MDN1: variants seen among roughly 807,000 people sequenced by gnomAD.
The protein encoded by MDN1 is midasin AAA ATPase 1.
Under a neutral mutation model 669.2 loss-of-function variants are expected in MDN1, and 266 were observed. The ratio of observed to expected loss-of-function variants is 0.40; its 90% CI spans 0.36 to 0.44. The LOEUF (loss-of-function observed/expected upper bound fraction) is 0.44. Among genes scored for constraint, MDN1 ranks in the 20% least tolerant of loss-of-function variants. The pLI is 1.00. For missense variants in MDN1, 5,940 were observed against 6,754.0 expected (o/e 0.88, Z 4.22); for synonymous variants, 2,385 against 2,457.1 (o/e 0.97, Z 0.87).
chr6:89,819,173 G>GT, intron 1 of MDN1, among the ~76,000 whole-genome samples: 1 of 152,286 alleles, frequency 6.6e-6, no homozygotes, highest in East Asian at 1.9e-4. Context: ...TGTCAAAACG[G>GT]CAGAAACGCA....
At chr6:89,679,155 T>C (rs570426639) in intron 74 of MDN1, among the ~76,000 whole-genome samples, 1 of 152,366 alleles carries the variant, frequency 6.6e-6, no homozygotes, top group African/African-American at 2.4e-5. Context: ...TTTCCACTTG[T>C]AGCTAGTACA....
At chr6:89,742,868 T>G (rs145848697) in intron 31 of MDN1, among the ~76,000 whole-genome samples, 1 of 152,228 alleles carries the variant, frequency 6.6e-6, no homozygotes, top group African/African-American at 2.4e-5. Flanking sequence ...ACCTAGAAAT[T>G]TAGGAAACAC....
intron 46 of MDN1, 53 bp downstream of exon 46, chr6:89,714,490 T>C: frequency 1.4e-6 from 2 of 1,410,170 alleles, no homozygotes; most frequent in Admixed American, 2.2e-5. Flanking sequence ...TGGAATGACA[T>C]AAATTTCTTG....
intron 1 of MDN1, among the ~76,000 whole-genome samples, chr6:89,811,553 C>A (rs1235536169): frequency 6.6e-6 from 1 of 151,902 alleles, no homozygotes; most frequent in African/African-American, 2.4e-5. Context: ...TCAACCAATT[C>A]TCCTGCCACA....
At chr6:89,817,123 A>G (rs1768893282) in intron 1 of MDN1, among the ~76,000 whole-genome samples, 1 of 152,270 alleles carries the variant, frequency 6.6e-6, no homozygotes, top group Admixed American at 6.5e-5. Flanking sequence ...CCAGCTTTCC[A>G]GACCAAATCA....
In MDN1 at chr6:89,745,576, T is replaced by C; in HGVS notation, c.3955A>G (p.Ile1319Val). Reference sequence around the variant, plus strand: ...AAATGTTTCTCAAGGACTTCTTGAATCACATCAATTTCCTCCTGCTTCCTG... The same window carrying C: ...AAATGTTTCTCAAGGACTTCTTGAACCACATCAATTTCCTCCTGCTTCCTG... Reference protein sequence around the residue: ...RVRKQEEIDVIQEVLEKHFKK... With the variant: ...RVRKQEEIDVVQEVLEKHFKK... Residue 1319 changes from isoleucine to valine, a missense_variant, in exon 28 of 102, where the codon ATT becomes GTT. Physicochemically the swap from Ile to Val is conservative, Grantham distance 29 (BLOSUM62 3). This residue lies in a region of MDN1 where 2,292 missense variants were observed against 2,638.3 expected (regional missense o/e 0.87). Coordinates refer to ENST00000369393, the MANE Select transcript of MDN1 (RefSeq NM_014611.3). The C allele has an allele frequency of 6.2e-7, 1 of 1,614,162 alleles. No homozygotes were observed. Among genetic ancestry groups the C allele is most frequent in the Non-Finnish European group, 8.5e-7 (1 of 1,180,020 alleles).
Position 89,662,137 on chromosome 6 carries a change from C to T in MDN1, c.14515G>A (p.Ala4839Thr), listed in dbSNP as rs1464084907. 1 of 1,614,060 alleles carries T rather than the reference C, an allele frequency of 6.2e-7. No individual in the cohort carries two copies. Among genetic ancestry groups the T allele is most frequent in the East Asian group, 2.2e-5 (1 of 44,876 alleles). Reference protein sequence around the residue: ...DKKEEKEEAEADDGGQGEDKI... With the variant: ...DKKEEKEEAETDDGGQGEDKI... Reference sequence around the variant, plus strand: ...TCTTCACCTTGTCCACCATCATCAGCTTCTGCTTCTTCCTTTTCTTCCTTC... The same window carrying T: ...TCTTCACCTTGTCCACCATCATCAGTTTCTGCTTCTTCCTTTTCTTCCTTC... Residue 4839 changes from alanine to threonine, a missense_variant, in exon 87 of 102, where the codon GCT becomes ACT. Ala to Thr is a moderately conservative substitution (Grantham distance 58, BLOSUM62 0). This residue lies in a region of MDN1 where 2,280 missense variants were observed against 2,576.3 expected (regional missense o/e 0.88). Coordinates refer to ENST00000369393, the MANE Select transcript of MDN1 (RefSeq NM_014611.3).
At chr6:89,681,072 G>A (rs916219606) in intron 73 of MDN1, among the ~76,000 whole-genome samples, 3 of 152,308 alleles carry the variant, frequency 2.0e-5, no homozygotes, top group Admixed American at 6.5e-5. Flanking sequence ...TTAAGGTGCT[G>A]AGCCACATTG....
chr6:89,803,231 T>G, intron 2 of MDN1, 97 bp downstream of exon 2: 1 of 1,010,948 alleles, frequency 9.9e-7, no homozygotes, highest in East Asian at 2.4e-5. Flanking sequence ...TTTCTGTATT[T>G]CCGTTTTACC....
In MDN1 at chr6:89,772,666, C is replaced by T; in HGVS notation, c.1990G>A (p.Ala664Thr). Residue 664 changes from alanine (A) to threonine (T), a missense_variant, in exon 14 of 102, where the codon GCA becomes ACA. Coordinates refer to ENST00000369393, the MANE Select transcript of MDN1 (RefSeq NM_014611.3). ...RPSSVLIEQLAVCVSKGEPVL... is the reference protein window; with the variant it reads ...RPSSVLIEQLTVCVSKGEPVL... ...GGCTCCCCTTTGCTGACACACACTGCAAGCTGCTCGATGAGAACAGAGGAC... is the reference window on the plus strand; with the variant it reads ...GGCTCCCCTTTGCTGACACACACTGTAAGCTGCTCGATGAGAACAGAGGAC... 1 of 1,614,086 alleles carries T rather than the reference C, an allele frequency of 6.2e-7. No homozygotes were observed. Among genetic ancestry groups the T allele is most frequent in the Non-Finnish European group, 8.5e-7 (1 of 1,179,980 alleles).
intron 42 of MDN1, 65 bp from the exon 43 acceptor site, chr6:89,718,692 C>G (rs1457678856): frequency 1.2e-6 from 2 of 1,606,560 alleles, no homozygotes; most frequent in African/African-American, 2.7e-5. Flanking sequence ...GTACTCATCA[C>G]CAACTCAGAA....
intron 39 of MDN1, 83 bp from the exon 40 acceptor site, chr6:89,723,226 G>T: frequency 1.5e-6 from 2 of 1,360,646 alleles, no homozygotes; most frequent in Non-Finnish European, 2.0e-6. Context: ...TACTACAAAA[G>T]CATATGTAAT....
intron 45 of MDN1, 67 bp from the exon 46 acceptor site, chr6:89,714,818 G>C: frequency 3.0e-6 from 4 of 1,346,934 alleles, no homozygotes; most frequent in South Asian, 1.4e-5. Flanking sequence ...GTGTAGCTCA[G>C]CATCAGTCAG....
intron 2 of MDN1, among the ~76,000 whole-genome samples, chr6:89,796,967 C>T (rs989126477): frequency 1.9e-4 from 29 of 152,070 alleles, no homozygotes; most frequent in African/African-American, 6.5e-4. Flanking sequence ...ACTCAGGAGG[C>T]TGAGGCAGAA....
At chr6:89,780,064 G>A (rs1225667992) in intron 11 of MDN1, 148 bp downstream of exon 11, 9 of 506,364 alleles carry the variant, frequency 1.8e-5, no homozygotes, top group Non-Finnish European at 3.1e-5. Flanking sequence ...GAGAGACTTC[G>A]TCTCAAAAAA....
At chr6:89,725,417 A>T (rs753227156) in intron 37 of MDN1, 21 bp from the exon 38 acceptor site, 1 of 1,589,290 alleles carries the variant, frequency 6.3e-7, no homozygotes. Flanking sequence ...AAGAAAGTAC[A>T]TAATTTGTCT....
rs1330278438 is a variant in MDN1 at position 89,803,731 on chromosome 6, G to A, written c.103-177C>T. ...CAAGTAGCTGGGACTACAGGCGCCC[G>A]CCACCATACCCGGCTAATTTTTTAT... On this transcript the variant is annotated intron_variant, in intron 1 of 101. Coordinates refer to ENST00000369393, the MANE Select transcript of MDN1 (RefSeq NM_014611.3). Among the ~76,000 whole-genome samples the A allele has an allele frequency of 3.3e-5, 5 of 151,520 alleles. No homozygotes were observed. The South Asian group carries it at 6.3e-4, about 19-fold the overall frequency.
chr6:89,771,454 T>C (rs1472644525), intron 15 of MDN1, 107 bp downstream of exon 15: 6 of 944,390 alleles, frequency 6.4e-6, no homozygotes, highest in African/African-American at 5.0e-5. Flanking sequence ...TCTTTTTCTA[T>C]TGCATCGAGC....
intron 20 of MDN1, among the ~76,000 whole-genome samples, chr6:89,755,429 C>G (rs942473802): frequency 6.6e-6 from 1 of 151,680 alleles, no homozygotes; most frequent in Non-Finnish European, 1.5e-5. Flanking sequence ...TTTCTTACAC[C>G]CTACTCAGCT....
Sources: gnomAD v4.1 joint callset for allele counts (sites outside exome capture counted in the v4.1 genomes callset) on GRCh38, gnomAD v4.1.1 for gene constraint, gnomAD v4.1.1 regional missense constraint, MANE v1.5 for transcripts, NCBI Gene and HGNC (gene_info 2026-07-23, HGNC 2026-07-21) for gene names.